The following ADAMTSL3 variants were observed in gnomAD, a reference collection of about 807,000 sequenced individuals.
The protein encoded by ADAMTSL3 is ADAMTS like 3.
A neutral mutation model predicts 201.7 loss-of-function variants in ADAMTSL3; 128 were observed. That is an observed-to-expected ratio of 0.63 (90% CI 0.55 to 0.73). ADAMTSL3 has a LOEUF of 0.73. Ranked by LOEUF, ADAMTSL3 falls within the 30% of genes least tolerant of loss-of-function variation. The pLI, the probability that ADAMTSL3 is intolerant of heterozygous loss-of-function variation, is 0.00. For synonymous variants in ADAMTSL3, 738 were observed against 748.4 expected (o/e 0.99, Z 0.23); for missense variants, 1,990 against 2,119.6 (o/e 0.94, Z 1.20).
rs1309543826 is a variant in ADAMTSL3 at position 83,942,629 on chromosome 15, TACCTGTGGAGTTGG to T, written c.2153_2166del (p.Thr718AsnfsTer19). 1 of 1,613,934 alleles carries T rather than the reference TACCTGTGGAGTTGG, an allele frequency of 6.2e-7. No homozygotes were observed. On this transcript the variant is annotated frameshift_variant, in exon 18 of 30. Transcript: ENST00000286744. LOFTEE classifies it high-confidence loss of function. ...TGGGCTCTTGGGGGCCCTGCTCAGC[TACCTGTGGAGTTGG>T]AATTCAGACCCGAGATGTGTACTGC...
chr15:83,841,983 T>A lies in ADAMTSL3; in HGVS notation c.727+3768T>A, dbSNP rs538827674. Among the ~76,000 whole-genome samples the A allele has an allele frequency of 3.3e-3, 496 of 151,164 alleles. 2 individuals carry two copies. The highest frequency in any genetic ancestry group is 0.012 in the African/African-American group (483 of 41,202). ...TTTGGCCGAGGGCGGACGGACGAGA[T>A]CCTAGCTGCTAAGCGACCCGACTCC... On this transcript the variant is annotated intron_variant, in intron 7 of 29. Coordinates refer to ENST00000286744, the MANE Select transcript of ADAMTSL3 (RefSeq NM_207517.3).
chr15:83,819,186 G>A (rs575067902), intron 5 of ADAMTSL3, among the ~76,000 whole-genome samples: 10 of 150,022 alleles, frequency 6.7e-5, no homozygotes, highest in African/African-American at 2.2e-4. Flanking sequence ...CAGGAGAATC[G>A]CTTGAACCTG....
chr15:83,841,093 T>C (rs2064366010), intron 7 of ADAMTSL3, among the ~76,000 whole-genome samples: 1 of 152,234 alleles, frequency 6.6e-6, no homozygotes, highest in Non-Finnish European at 1.5e-5. Context: ...TTTGCTTCAT[T>C]GACCAGAATT....
chr15:83,891,124 A>T, intron 11 of ADAMTSL3: 2 of 506,126 alleles, frequency 4.0e-6, no homozygotes, highest in Non-Finnish European at 7.0e-6. Flanking sequence ...ATTTTCAAAT[A>T]GAACTGGGGA....
intron 6 of ADAMTSL3, among the ~76,000 whole-genome samples, chr15:83,823,995 T>C (rs1388158445): frequency 6.7e-6 from 1 of 150,088 alleles, no homozygotes; most frequent in African/African-American, 2.4e-5. Context: ...CTCCTCCTTC[T>C]CCTTCTTCTT....
At chr15:83,989,457 A>G (rs1280259456) in intron 22 of ADAMTSL3, among the ~76,000 whole-genome samples, 1 of 152,236 alleles carries the variant, frequency 6.6e-6, no homozygotes, top group Non-Finnish European at 1.5e-5. Context: ...GGCAGTGTTG[A>G]TATTAATGAA....
At chr15:83,970,757 A>G (rs888214731) in intron 20 of ADAMTSL3, 120 bp downstream of exon 20, 3 of 1,283,178 alleles carry the variant, frequency 2.3e-6, no homozygotes, top group African/African-American at 1.5e-5. Flanking sequence ...CTCAAGCTGT[A>G]CTCAGTGTTG....
intron 8 of ADAMTSL3, chr15:83,862,416 A>T (rs1231885354): frequency 6.6e-6 from 1 of 152,254 alleles, no homozygotes; most frequent in Non-Finnish European, 1.5e-5. Context: ...CTAACAGCAG[A>T]TCTCTTGGCA....
At chr15:83,801,441 A>G (rs942601133) in intron 4 of ADAMTSL3, among the ~76,000 whole-genome samples, 1 of 151,462 alleles carries the variant, frequency 6.6e-6, no homozygotes, top group Non-Finnish European at 1.5e-5. Context: ...TGAAGATGGC[A>G]TGAAATGGAA....
intron 3 of ADAMTSL3, among the ~76,000 whole-genome samples, chr15:83,771,768 G>C (rs189132735): frequency 6.6e-6 from 1 of 152,152 alleles, no homozygotes; most frequent in Non-Finnish European, 1.5e-5. Context: ...CCTGATTTCA[G>C]TTCTTTTGGA....
chr15:83,654,949 G>T lies in ADAMTSL3; in HGVS notation c.-34+673G>T, dbSNP rs1289002454. 6.6e-6 allele frequency among the ~76,000 whole-genome samples: 1 copy of T among 152,214 alleles called. No homozygotes were observed. The highest frequency in any genetic ancestry group is 2.4e-5 in the African/African-American group (1 of 41,470). The stretch of plus-strand genomic sequence containing the variant: ...GAGAGAAGCCACCGACCCGCCCCCG[G>T]ACACCAGCTCCGCCAAGGCGCCCGC... On this transcript the variant is annotated intron_variant, in intron 1 of 29. Coordinates refer to ENST00000286744, the MANE Select transcript of ADAMTSL3 (RefSeq NM_207517.3). The surrounding 1 kb of genome is among the most constrained non-coding windows in gnomAD (Gnocchi z 5.3).
chr15:83,749,157 C>T (rs1220017144), intron 3 of ADAMTSL3, among the ~76,000 whole-genome samples: 2 of 152,206 alleles, frequency 1.3e-5, no homozygotes, highest in Non-Finnish European at 2.9e-5. Flanking sequence ...TGCTGAGTCA[C>T]TGAATGTGTC....
At chr15:83,786,673 A>G (rs562690728) in intron 4 of ADAMTSL3, among the ~76,000 whole-genome samples, 1 of 152,208 alleles carries the variant, frequency 6.6e-6, no homozygotes, top group South Asian at 2.1e-4. Context: ...CTGTTGTTTT[A>G]ACCACCTGCG....
chr15:83,658,526 A>G (rs992230751), intron 2 of ADAMTSL3, among the ~76,000 whole-genome samples: 1 of 152,034 alleles, frequency 6.6e-6, no homozygotes, highest in African/African-American at 2.4e-5. Flanking sequence ...TGTTTTTGTA[A>G]CTCGTTCTTG....
chr15:83,824,907 G>C (rs1335968277), intron 6 of ADAMTSL3: 2 of 152,112 alleles, frequency 1.3e-5, no homozygotes, highest in African/African-American at 4.8e-5. Context: ...TCTTGGCGCA[G>C]GGGCCATGCT....
At chr15:83,864,777 G>C (rs2064939372) in intron 8 of ADAMTSL3, among the ~76,000 whole-genome samples, 1 of 152,156 alleles carries the variant, frequency 6.6e-6, no homozygotes, top group African/African-American at 2.4e-5. Flanking sequence ...AATCACGCAG[G>C]AGAAAGAAAT....
intron 2 of ADAMTSL3, among the ~76,000 whole-genome samples, chr15:83,684,253 A>G (rs7167824): frequency 0.015 from 2,313 of 152,278 alleles, 51 homozygotes; most frequent in African/African-American, 0.053. Context: ...GCAAAATAAA[A>G]CTTTGTCAAC....
intron 15 of ADAMTSL3, among the ~76,000 whole-genome samples, chr15:83,907,197 A>G (rs2065854561): frequency 6.6e-6 from 1 of 151,950 alleles, no homozygotes; most frequent in South Asian, 2.1e-4. Flanking sequence ...TCCATTTTAA[A>G]TGTTTCCTTG....
intron 3 of ADAMTSL3, among the ~76,000 whole-genome samples, chr15:83,713,319 C>T (rs1208146159): frequency 6.6e-6 from 1 of 152,212 alleles, no homozygotes; most frequent in East Asian, 1.9e-4. Context: ...TTCTACTAAA[C>T]ATCTCTGCGA....
Sources: allele counts gnomAD v4.1 joint callset (sites outside exome capture counted in the v4.1 genomes callset), GRCh38; gene constraint gnomAD v4.1.1; non-coding constraint Gnocchi (gnomAD v3.1); transcripts MANE v1.5; gene names NCBI Gene and HGNC (gene_info 2026-07-23, HGNC 2026-07-21).